The following CNOT1 variants were observed in gnomAD, a reference collection of about 807,000 sequenced individuals.
The protein encoded by CNOT1 is CCR4-associated factor 1.
In CNOT1, 15 loss-of-function variants were observed where a neutral mutation model predicts 273.8. The ratio of observed to expected loss-of-function variants is 0.05; its 90% CI spans 0.04 to 0.08. The LOEUF is 0.08. CNOT1 is among the 10% of genes least tolerant of loss of function. The pLI, the probability that CNOT1 is intolerant of heterozygous loss-of-function variation, is 1.00. For synonymous variants in CNOT1, 1,022 were observed against 1,005.5 expected, an observed-to-expected ratio of 1.02 and a Z score of -0.31; for missense variants, 1,644 against 2,912.2, an observed-to-expected ratio of 0.56 and a Z score of 10.02.
chr16:58,600,324 T>G (rs1232726841), intron 1 of CNOT1, among the ~76,000 whole-genome samples: 1 of 152,078 alleles, frequency 6.6e-6, no homozygotes, highest in African/African-American at 2.4e-5. Flanking sequence ...AAAGTGGTAC[T>G]CGGTCTCAAA....
intron 44 of CNOT1, chr16:58,527,972 G>C (rs146923518): frequency 3.0e-6 from 1 of 331,582 alleles, no homozygotes; most frequent in African/African-American, 2.2e-5. Context: ...AATTAGCCAG[G>C]TGTGGTGGCG....
At chr16:58,621,875 C>T (rs1422015960) in intron 1 of CNOT1, among the ~76,000 whole-genome samples, 1 of 138,306 alleles carries the variant, frequency 7.2e-6, no homozygotes, top group Non-Finnish European at 1.5e-5. Flanking sequence ...CGCACCACTG[C>T]ACTCCAGCCT....
intron 24 of CNOT1, among the ~76,000 whole-genome samples, 174 bp from the exon 25 acceptor site, chr16:58,550,072 T>C (rs139953320): frequency 9.3e-4 from 141 of 152,346 alleles, no homozygotes; most frequent in Admixed American, 1.4e-3. Context: ...CTCAATTCCA[T>C]AGTCAATCAC....
At chr16:58,535,836 C>A (rs1415656593) in intron 39 of CNOT1, among the ~76,000 whole-genome samples, 2 of 152,100 alleles carry the variant, frequency 1.3e-5, no homozygotes, top group South Asian at 4.1e-4. Flanking sequence ...TGGGTTCACG[C>A]CATTCTTCTG....
chr16:58,551,736 A>T lies in CNOT1; in HGVS notation c.3054T>A (p.Ala1018=). ...SITTPGSIAL[A]QAQAQAQVPA... is the part of the protein sequence containing the mutation. ...GAACCTGGGCCTGAGCCTGGGCCTG[A>T]GCCAGTGCAATACTTCCAGGGGTTG... The change falls in exon 23 of 49, where the codon GCT becomes GCA. Residue 1018 remains alanine, a synonymous_variant. Coordinates refer to ENST00000317147, the MANE Select transcript of CNOT1 (RefSeq NM_016284.5). The T allele has an allele frequency of 6.2e-7, 1 of 1,614,200 alleles. No individual in the cohort carries two copies. Among genetic ancestry groups the T allele is most frequent in the South Asian group, 1.1e-5 (1 of 91,070 alleles).
rs772490013 is a variant in CNOT1 at position 58,543,912 on chromosome 16, T to A, written c.4138-9A>T. 1.3e-6 allele frequency: 2 copies of A among 1,590,726 alleles called. No homozygotes were observed. On this transcript the variant is annotated splice_polypyrimidine_tract_variant and intron_variant, in intron 30 of 48. Coordinates refer to ENST00000317147, the MANE Select transcript of CNOT1 (RefSeq NM_016284.5). The stretch of plus-strand genomic sequence containing the variant: ...GCCTGAAACAAGGGAATCTGGGGGG[T>A]TGGGGAGGACAAAGTCAACACCTTG...
chr16:58,541,691 G>A (rs2040099741), intron 33 of CNOT1, 71 bp from the exon 34 acceptor site: 2 of 1,490,266 alleles, frequency 1.3e-6, no homozygotes, highest in Admixed American at 3.5e-5. Flanking sequence ...AAAGTGGAAA[G>A]TCTGCATGTG....
At position 58,575,813 on chromosome 16, in the gene CNOT1, T is replaced by C. The variant is rs74632452; in HGVS notation, c.1704+650A>G. On this transcript the variant is annotated intron_variant, in intron 14 of 48. Coordinates refer to ENST00000317147, the MANE Select transcript of CNOT1 (RefSeq NM_016284.5). Reference sequence around the variant, plus strand: ...ATTCTATCTCCAAAAAAAAAAGATATAGAGTAATTCATCAAAAGATCCTGT... The same window carrying C: ...ATTCTATCTCCAAAAAAAAAAGATACAGAGTAATTCATCAAAAGATCCTGT... 4.1e-3 allele frequency among the ~76,000 whole-genome samples: 628 copies of C among 151,838 alleles called. 5 individuals are homozygous for C. Among genetic ancestry groups the C allele is most frequent in the African/African-American group, 0.014 (587 of 41,428 alleles).
chr16:58,616,937 A>C lies in CNOT1; in HGVS notation c.-175+12791T>G, dbSNP rs528595530. ...AAGTGAACAAAATAAACCTAATGAG[A>C]AATCTGAACCTCAAGAAGGCATCTA... On this transcript the variant is annotated intron_variant, in intron 1 of 48. Transcript: ENST00000317147. 3.7e-4 allele frequency among the ~76,000 whole-genome samples: 57 copies of C among 152,340 alleles called. 1 individual carries two copies. The highest frequency in any genetic ancestry group is 6.2e-4 in the South Asian group (3 of 4,830).
In CNOT1 at chr16:58,581,408, A is replaced by G; in HGVS notation, c.1152T>C (p.Gly384=). ...CTACTGGGAACACTTCCATACCCAAACCCCTCTGAATGCCATAAACCACAT... is the reference window on the plus strand; with the variant it reads ...CTACTGGGAACACTTCCATACCCAAGCCCCTCTGAATGCCATAAACCACAT... The part of the protein sequence containing the change: ...LHNVVYGIQR[G]LGMEVFPVDL... Residue 384 remains glycine (G), a synonymous_variant, in exon 11 of 49, where the codon GGT becomes GGC. Transcript: ENST00000317147. 1.9e-6 allele frequency: 3 copies of G among 1,613,900 alleles called. No individual in the cohort carries two copies. The African/African-American group carries it at 4.0e-5, about 22-fold the overall frequency.
At chr16:58,580,317 G>C (rs1017051480) in intron 12 of CNOT1, among the ~76,000 whole-genome samples, 1 of 135,556 alleles carries the variant, frequency 7.4e-6, no homozygotes, top group African/African-American at 2.7e-5. Context: ...AAAAAAAAAA[G>C]GCATAAGCTC....
intron 13 of CNOT1, among the ~76,000 whole-genome samples, chr16:58,577,872 GA>G (rs1014938352): frequency 6.6e-5 from 10 of 151,456 alleles, no homozygotes; most frequent in Admixed American, 4.6e-4. Flanking sequence ...GTAGGGGAGG[GA>G]AAAAAATCAG....
In CNOT1 at chr16:58,538,045, A is replaced by T. The variant is rs1433194627; in HGVS notation, c.5260T>A (p.Leu1754Ile). The change falls in exon 38 of 49, where the codon TTA (leucine) becomes ATA (isoleucine). Residue 1754 changes from leucine to isoleucine, a missense_variant. Transcript: ENST00000317147. ...LHLAQSMENG[L>I]NYMAVAFAMQ... ...GCAAATGCCACAGCCATGTAGTTTAAGCCATTCTCCATTGACTGGCAACAC... is the reference window on the plus strand; with the variant it reads ...GCAAATGCCACAGCCATGTAGTTTATGCCATTCTCCATTGACTGGCAACAC... 1.1e-5 allele frequency: 18 copies of T among 1,614,088 alleles called. No individual in the cohort carries two copies. The highest frequency in any genetic ancestry group is 1.5e-5 in the Non-Finnish European group (18 of 1,180,044).
intron 34 of CNOT1, among the ~76,000 whole-genome samples, chr16:58,540,797 G>A (rs533380343): frequency 4.6e-5 from 7 of 151,940 alleles, no homozygotes; most frequent in Non-Finnish European, 1.0e-4. Context: ...ATTCAGGAGC[G>A]ATGGGGGTAT....
At chr16:58,581,304 T>TAA in intron 11 of CNOT1, 41 bp downstream of exon 11, 1 of 1,562,140 alleles carries the variant, frequency 6.4e-7, no homozygotes, top group East Asian at 2.3e-5. Flanking sequence ...GAATAAGTCA[T>TAA]GTTTTATTCC....
chr16:58,587,102 A>C, intron 6 of CNOT1, 99 bp downstream of exon 6: 4 of 1,457,422 alleles, frequency 2.7e-6, no homozygotes, highest in Non-Finnish European at 3.7e-6. Context: ...TTAATTTCAG[A>C]TTATCTTACT....
Position 58,583,088 on chromosome 16 carries a change from G to A in CNOT1, c.901C>T (p.His301Tyr). ...GGAATGCCATCTGTTAATCCTGAAT[G>A]AGTTCGAGCCATCATTCCCAAAACC... is the stretch of plus-strand genomic sequence containing the variant. Reference protein sequence around the residue: ...ARVLGMMARTHSGLTDGIPLQ... With the variant: ...ARVLGMMARTYSGLTDGIPLQ... Residue 301 changes from histidine (H) to tyrosine (Y), a missense_variant, in exon 9 of 49, where the codon CAT becomes TAT. Coordinates refer to ENST00000317147, the MANE Select transcript of CNOT1 (RefSeq NM_016284.5). The A allele has an allele frequency of 6.2e-7, 1 of 1,613,942 alleles. No individual in the cohort carries two copies. Among genetic ancestry groups the A allele is most frequent in the Non-Finnish European group, 8.5e-7 (1 of 1,180,018 alleles).
At chr16:58,532,139 A>G in intron 41 of CNOT1, 64 bp from the exon 42 acceptor site, 1 of 1,607,954 alleles carries the variant, frequency 6.2e-7, no homozygotes, top group Non-Finnish European at 8.5e-7. Flanking sequence ...CAGCACATGA[A>G]TGTAGGCTCA....
intron 29 of CNOT1, 123 bp from the exon 30 acceptor site, chr16:58,545,614 GGATGT>G: frequency 1.8e-4 from 214 of 1,169,064 alleles, no homozygotes; most frequent in Non-Finnish European, 2.3e-4. Context: ...GAGGAGGGAA[GGATGT>G]AGCAGGTCCT....
Sources: allele counts gnomAD v4.1 joint callset (sites outside exome capture counted in the v4.1 genomes callset), GRCh38; gene constraint gnomAD v4.1.1; transcripts MANE v1.5; gene names NCBI Gene and HGNC (gene_info 2026-07-23, HGNC 2026-07-21).